KLHDC1: variants seen among roughly 807,000 people sequenced by gnomAD.
KLHDC1 encodes kelch domain-containing protein 1.
Under a neutral mutation model 68.3 loss-of-function variants are expected in KLHDC1, and 53 were observed. The ratio of observed to expected loss-of-function variants is 0.78; its 90% CI spans 0.62 to 0.98. The LOEUF is 0.98. KLHDC1 is among the 50% of genes least tolerant of loss of function. KLHDC1 has a pLI of 0.00. For synonymous variants in KLHDC1, 148 were observed against 159.0 expected, an observed-to-expected ratio of 0.93 and a Z score of 0.52; for missense variants, 470 against 492.3, an observed-to-expected ratio of 0.95 and a Z score of 0.43.
chr14:49,750,481 C>T (rs1036126532), intron 12 of KLHDC1, among the ~76,000 whole-genome samples: 1 of 152,180 alleles, frequency 6.6e-6, no homozygotes, highest in Admixed American at 6.5e-5. Context: ...TTCAACCTCT[C>T]AGGACATTTT....
intron 10 of KLHDC1, 147 bp from the exon 11 acceptor site, chr14:49,739,951 T>A (rs1444167821): frequency 2.0e-6 from 1 of 507,030 alleles, no homozygotes; most frequent in Admixed American, 3.8e-5. Context: ...TTTATAACCC[T>A]TTTTAGGATA....
intron 5 of KLHDC1, 86 bp from the exon 6 acceptor site, chr14:49,725,600 A>C: frequency 1.3e-6 from 1 of 765,496 alleles, no homozygotes; most frequent in Non-Finnish European, 2.1e-6. Flanking sequence ...GGTGTCTGTT[A>C]TTTTACCAGT....
At chr14:49,714,228 C>T (rs1288255418) in intron 4 of KLHDC1, among the ~76,000 whole-genome samples, 2 of 151,142 alleles carry the variant, frequency 1.3e-5, no homozygotes, top group Admixed American at 6.6e-5. Flanking sequence ...AATCCCAGCA[C>T]TTTGGGAGGC....
intron 4 of KLHDC1, among the ~76,000 whole-genome samples, chr14:49,716,375 C>CAGT (rs1162839896): frequency 1.3e-5 from 2 of 151,736 alleles, no homozygotes; most frequent in African/African-American, 4.8e-5. Flanking sequence ...GGGAGACTTA[C>CAGT]CTCTTGCTAC....
chr14:49,732,474 G>A (rs1390822935), intron 8 of KLHDC1, among the ~76,000 whole-genome samples: 1 of 152,096 alleles, frequency 6.6e-6, no homozygotes, highest in Non-Finnish European at 1.5e-5. Flanking sequence ...CGTCGGCTGA[G>A]AATTGACTTT....
chr14:49,739,545 A>G (rs770464041), intron 10 of KLHDC1, among the ~76,000 whole-genome samples: 1 of 152,226 alleles, frequency 6.6e-6, no homozygotes, highest in Non-Finnish European at 1.5e-5. Flanking sequence ...AGGAGTGCCA[A>G]ATTGGATTTG....
chr14:49,701,465 GC>G (rs1050520663), intron 1 of KLHDC1, among the ~76,000 whole-genome samples: 3 of 152,106 alleles, frequency 2.0e-5, no homozygotes. Context: ...TTCGAGACAA[GC>G]CTGACCAACA....
At chr14:49,711,915 T>C (rs947966379) in intron 4 of KLHDC1, among the ~76,000 whole-genome samples, 54 of 120,472 alleles carry the variant, frequency 4.5e-4, no homozygotes, top group African/African-American at 2.0e-3. Context: ...TTTTTCTTTT[T>C]TTTTTTTTTT....
At chr14:49,737,488 T>C (rs1888955654) in intron 10 of KLHDC1, among the ~76,000 whole-genome samples, 1 of 151,980 alleles carries the variant, frequency 6.6e-6, no homozygotes, top group Non-Finnish European at 1.5e-5. Flanking sequence ...GTAGAAAAAA[T>C]AAAATAAGTT....
chr14:49,725,443 A>G (rs1888643412), intron 5 of KLHDC1, among the ~76,000 whole-genome samples: 1 of 152,310 alleles, frequency 6.6e-6, no homozygotes, highest in Non-Finnish European at 1.5e-5. Flanking sequence ...GATTGTCAAC[A>G]AGTAAAATTA....
In KLHDC1 at chr14:49,743,806, G is replaced by A. The variant is rs1483621348; in HGVS notation, c.1034+1G>A. The A allele has an allele frequency of 1.3e-6, 2 of 1,524,948 alleles. No homozygotes were observed. Among genetic ancestry groups the A allele is most frequent in the Non-Finnish European group, 1.8e-6 (2 of 1,106,216 alleles). 94.5% of individuals were successfully genotyped at this position (1,524,948 alleles called of 1,614,324 possible). A position where few individuals can be genotyped will look rare whatever the true frequency, so the allele number is the denominator to read the frequency against. Reference sequence around the variant, plus strand: ...AAACACAGCCTTATTCACTACTCAGGTAAGCAAATTTAATATTTTCTATAT... The same window carrying A: ...AAACACAGCCTTATTCACTACTCAGATAAGCAAATTTAATATTTTCTATAT... On this transcript the variant is annotated splice_donor_variant, in intron 12 of 12. Transcript: ENST00000359332. LOFTEE classifies it high-confidence loss of function.
rs1287314875 is a variant in KLHDC1, at chr14:49,713,830, A to G, written c.404+3449A>G. On this transcript the variant is annotated intron_variant, in intron 4 of 12. Transcript: ENST00000359332. ...TATATATATATATATATATATATAT[A>G]TATATATATATATATATATATTTTT... Among the ~76,000 whole-genome samples, 18 of 2,112 alleles carry G rather than the reference A, an allele frequency of 8.5e-3. 3 individuals carry two copies. The highest frequency in any genetic ancestry group is 0.083 in the South Asian group (4 of 48). The allele number at this position is 2,112 out of a possible 152,430, so 1.4% of individuals were successfully genotyped here. A position where few individuals can be genotyped will look rare whatever the true frequency, so the allele number is the denominator to read the frequency against.
chr14:49,727,945 G>A (rs993739660), intron 6 of KLHDC1, among the ~76,000 whole-genome samples: 12 of 152,166 alleles, frequency 7.9e-5, no homozygotes, highest in African/African-American at 1.9e-4. Context: ...CACCCACCAT[G>A]AAAATATGGA....
rs537794743 is a variant in KLHDC1, at chr14:49,752,133, A to G, written c.*361A>G. The G allele has an allele frequency of 6.5e-6, 1 of 153,284 alleles. No individual in the cohort carries two copies. The highest frequency in any genetic ancestry group is 1.9e-4 in the East Asian group (1 of 5,270). 9.5% of individuals were successfully genotyped at this position (153,284 alleles called of 1,614,324 possible). ...GCAACATAATTTTATAAATATATAA[A>G]TACATGTATGTATGTCAAAACACTA... On this transcript the variant is annotated 3_prime_UTR_variant, in exon 13 of 13. Transcript: ENST00000359332.
intron 4 of KLHDC1, among the ~76,000 whole-genome samples, chr14:49,720,262 A>G (rs1888492528): frequency 6.6e-6 from 1 of 152,150 alleles, no homozygotes; most frequent in Admixed American, 6.6e-5. Context: ...CTGGGATTAC[A>G]GGCGTGAGCC....
At chr14:49,701,881 A>C (rs1887916551) in intron 1 of KLHDC1, among the ~76,000 whole-genome samples, 2 of 151,804 alleles carry the variant, frequency 1.3e-5, no homozygotes, top group African/African-American at 4.8e-5. Flanking sequence ...TAAAAATACA[A>C]AAATTAGCCG....
chr14:49,710,179 TATTA>T, intron 3 of KLHDC1, 80 bp from the exon 4 acceptor site: 1 of 733,880 alleles, frequency 1.4e-6, no homozygotes, highest in Non-Finnish European at 2.4e-6. Context: ...AAAATAATAG[TATTA>T]ATTCTTGGAT....
rs191319546 is a variant in KLHDC1 at position 49,697,523 on chromosome 14, G to A, written c.96+4233G>A. ...AGACACGAAGTGAGCATCACTTGCT[G>A]TTGGAAAAATGGTGCCAATGGACTT... On this transcript the variant is annotated intron_variant, in intron 1 of 12. Coordinates refer to ENST00000359332, the MANE Select transcript of KLHDC1 (RefSeq NM_172193.3). Among the ~76,000 whole-genome samples, 9 of 152,352 alleles carry A rather than the reference G, an allele frequency of 5.9e-5. No individual in the cohort carries two copies. The East Asian group carries it at 9.6e-4, about 16-fold the overall frequency.
At position 49,744,688 on chromosome 14, in the gene KLHDC1, T is replaced by G. The variant is rs530284901; in HGVS notation, c.1034+883T>G. Among the ~76,000 whole-genome samples, 24 of 152,214 alleles carry G rather than the reference T, an allele frequency of 1.6e-4. 2 individuals are homozygous for G. The South Asian group carries it at 4.4e-3, about 28-fold the overall frequency. ...ACAATTTAAATACTATGAAAATAATTGTTACACTGTATTGTTTAGGGAATA... is the reference window on the plus strand; with the variant it reads ...ACAATTTAAATACTATGAAAATAATGGTTACACTGTATTGTTTAGGGAATA... On this transcript the variant is annotated intron_variant, in intron 12 of 12. Transcript: ENST00000359332.
Sources: gnomAD v4.1 joint callset for allele counts (sites outside exome capture counted in the v4.1 genomes callset) on GRCh38, gnomAD v4.1.1 for gene constraint, MANE v1.5 for transcripts, NCBI Gene and HGNC (gene_info 2026-07-23, HGNC 2026-07-21) for gene names.